ZNF827: variants seen among roughly 807,000 people sequenced by gnomAD.
The protein encoded by ZNF827 is zinc finger protein 827.
In ZNF827, 13 loss-of-function variants were observed where a neutral mutation model predicts 102.4. That is an observed-to-expected ratio of 0.13 (90% CI 0.08 to 0.20). ZNF827 has a LOEUF of 0.20. Ranked by LOEUF, ZNF827 falls within the 10% of genes least tolerant of loss-of-function variation. The pLI, the probability that ZNF827 is intolerant of heterozygous loss-of-function variation, is 1.00. For missense variants in ZNF827, 1,103 were observed against 1,344.4 expected, an observed-to-expected ratio of 0.82 and a Z score of 2.81; for synonymous variants, 523 against 536.2, an observed-to-expected ratio of 0.98 and a Z score of 0.34.
At chr4:145,930,521 C>T (rs762998748) in intron 1 of ZNF827, among the ~76,000 whole-genome samples, 1 of 152,202 alleles carries the variant, frequency 6.6e-6, no homozygotes, top group African/African-American at 2.4e-5. Flanking sequence ...AAGGTCCATG[C>T]ATTTCTTCCT....
At chr4:145,909,989 T>G (rs1240962325) in intron 1 of ZNF827, among the ~76,000 whole-genome samples, 2 of 152,094 alleles carry the variant, frequency 1.3e-5, no homozygotes. Flanking sequence ...GCTGTCAGCG[T>G]GCCCAGGAAG....
At chr4:145,911,170 G>C (rs1752262773) in intron 1 of ZNF827, among the ~76,000 whole-genome samples, 1 of 152,206 alleles carries the variant, frequency 6.6e-6, no homozygotes, top group South Asian at 2.1e-4. Flanking sequence ...TTTTCCACCA[G>C]TTTCCCCAAA....
At chr4:145,888,051 T>G (rs995973385) in intron 3 of ZNF827, among the ~76,000 whole-genome samples, 2 of 152,220 alleles carry the variant, frequency 1.3e-5, no homozygotes, top group Non-Finnish European at 2.9e-5. Flanking sequence ...GAGTCCTGGA[T>G]TAAAAACCGT....
At chr4:145,892,470 T>C (rs1423508816) in intron 2 of ZNF827, 55 bp from the exon 3 acceptor site, 7 of 1,524,544 alleles carry the variant, frequency 4.6e-6, no homozygotes, top group South Asian at 2.6e-5. Context: ...GTACACTGCA[T>C]CTGGCATTAA....
chr4:145,938,130 GGT>G (rs1491006235), intron 1 of ZNF827, among the ~76,000 whole-genome samples: 1 of 151,650 alleles, frequency 6.6e-6, no homozygotes, highest in East Asian at 2.0e-4. Flanking sequence ...AAAGGGGGGG[GGT>G]GAGAGAAAGA....
chr4:145,851,957 G>A (rs1746577346), intron 5 of ZNF827, among the ~76,000 whole-genome samples: 1 of 152,100 alleles, frequency 6.6e-6, no homozygotes, highest in Admixed American at 6.5e-5. Context: ...CTGACCTCCA[G>A]CCAGATCAGC....
At position 145,938,613 on chromosome 4, in the gene ZNF827, T is replaced by C; in HGVS notation, c.-206A>G. Reference sequence around the variant, plus strand: ...AGGGGTTTTCTTCTTTTCTTTCCTTTCTTTTTTCCTTTTTTTTTTTTTTTT... The same window carrying C: ...AGGGGTTTTCTTCTTTTCTTTCCTTCCTTTTTTCCTTTTTTTTTTTTTTTT... On this transcript the variant is annotated 5_prime_UTR_variant, in exon 1 of 15. Transcript: ENST00000508784. 1.9e-6 allele frequency: 1 copy of C among 539,000 alleles called. No individual in the cohort carries two copies. Among genetic ancestry groups the C allele is most frequent in the East Asian group, 2.9e-5 (1 of 33,914 alleles). 33.4% of individuals were successfully genotyped at this position (539,000 alleles called of 1,614,324 possible). A position where few individuals can be genotyped will look rare whatever the true frequency, so the allele number is the denominator to read the frequency against.
At chr4:145,889,554 CTTTT>C (rs36000739) in intron 3 of ZNF827, among the ~76,000 whole-genome samples, 1 of 136,758 alleles carries the variant, frequency 7.3e-6, no homozygotes. Context: ...ACTGACCCCA[CTTTT>C]TTTTTTTTTT....
rs1204876197 is a variant in ZNF827 at position 145,938,561 on chromosome 4, T to A, written c.-154A>T. On this transcript the variant is annotated 5_prime_UTR_variant, in exon 1 of 15. Transcript: ENST00000508784. Reference sequence around the variant, plus strand: ...CCCCTTCTCCGGTGTGTGCAATGGGTTGAAGCTTGTTTCCTGGAGCCAGAA... The same window carrying A: ...CCCCTTCTCCGGTGTGTGCAATGGGATGAAGCTTGTTTCCTGGAGCCAGAA... 5.3e-6 allele frequency: 3 copies of A among 567,074 alleles called. No individual in the cohort carries two copies. The highest frequency in any genetic ancestry group is 5.9e-5 in the East Asian group (2 of 34,142). 35.1% of individuals were successfully genotyped at this position (567,074 alleles called of 1,614,324 possible). A position where few individuals can be genotyped will look rare whatever the true frequency, so the allele number is the denominator to read the frequency against.
chr4:145,813,781 A>T (rs951778726), intron 8 of ZNF827, among the ~76,000 whole-genome samples: 1 of 152,228 alleles, frequency 6.6e-6, no homozygotes, highest in African/African-American at 2.4e-5. Flanking sequence ...GTCGGACTGC[A>T]GGATGGACAG....
In ZNF827 at chr4:145,900,296, T is replaced by C. The variant is rs772757133; in HGVS notation, c.1093+1870A>G. Among the ~76,000 whole-genome samples, 91 of 152,360 alleles carry C rather than the reference T, an allele frequency of 6.0e-4. 1 individual carries two copies. The highest frequency in any genetic ancestry group is 1.9e-3 in the South Asian group (9 of 4,828). ...CAATCAACTAAAGTTTATTATTAACTTTGCATAAGCTTTCCCAACTAACAA... is the reference window on the plus strand; with the variant it reads ...CAATCAACTAAAGTTTATTATTAACCTTGCATAAGCTTTCCCAACTAACAA... On this transcript the variant is annotated intron_variant, in intron 2 of 14. Transcript: ENST00000508784.
Position 145,760,760 on chromosome 4 carries a change from G to A in ZNF827, c.*856C>T. The A allele has an allele frequency of 1.1e-6, 1 of 917,758 alleles. No individual in the cohort carries two copies. The highest frequency in any genetic ancestry group is 1.3e-6 in the Non-Finnish European group (1 of 753,966). The allele number at this position is 917,758 out of a possible 1,614,324, so 56.9% of individuals were successfully genotyped here. A position where few individuals can be genotyped will look rare whatever the true frequency, so the allele number is the denominator to read the frequency against. Reference sequence around the variant, plus strand: ...TTTGTCTTTTGTCTCTCTGTTTTTGGTACAGAACATGGCTGCCCTCAGACA... The same window carrying A: ...TTTGTCTTTTGTCTCTCTGTTTTTGATACAGAACATGGCTGCCCTCAGACA... On this transcript the variant is annotated 3_prime_UTR_variant, in exon 15 of 15. Coordinates refer to ENST00000508784, the MANE Select transcript of ZNF827 (RefSeq NM_001306215.2).
intron 5 of ZNF827, among the ~76,000 whole-genome samples, chr4:145,853,462 C>T (rs1343575900): frequency 6.6e-6 from 1 of 152,126 alleles, no homozygotes; most frequent in African/African-American, 2.4e-5. Context: ...TGCCTATAGT[C>T]TCAGCCACTC....
intron 8 of ZNF827, among the ~76,000 whole-genome samples, chr4:145,798,418 C>G (rs899373878): frequency 2.6e-5 from 4 of 152,200 alleles, no homozygotes; most frequent in African/African-American, 9.6e-5. Context: ...ATAATCCCAG[C>G]ACTTTGGAAG....
chr4:145,901,015 T>G (rs1464396813), intron 2 of ZNF827, among the ~76,000 whole-genome samples: 3 of 152,200 alleles, frequency 2.0e-5, no homozygotes, highest in Non-Finnish European at 4.4e-5. Context: ...CTCGTTGTCT[T>G]CTGCTGTTGA....
chr4:145,858,229 C>T (rs888950531), intron 5 of ZNF827, among the ~76,000 whole-genome samples: 1 of 151,650 alleles, frequency 6.6e-6, no homozygotes, highest in Non-Finnish European at 1.5e-5. Context: ...TAATCCCAGC[C>T]CTTTGGGAGG....
At chr4:145,914,973 T>C (rs1752568138) in intron 1 of ZNF827, among the ~76,000 whole-genome samples, 1 of 152,220 alleles carries the variant, frequency 6.6e-6, no homozygotes, top group African/African-American at 2.4e-5. Flanking sequence ...TGATTTCGTG[T>C]TGCTAAAACA....
intron 11 of ZNF827, among the ~76,000 whole-genome samples, chr4:145,766,283 A>G (rs1312996014): frequency 6.6e-6 from 1 of 152,184 alleles, no homozygotes; most frequent in Non-Finnish European, 1.5e-5. Context: ...GACCATTAAA[A>G]TCTAGTGTCA....
At chr4:145,871,404 T>C (rs59465021) in intron 4 of ZNF827, among the ~76,000 whole-genome samples, 2,372 of 152,286 alleles carry the variant, frequency 0.016, 56 homozygotes, top group African/African-American at 0.054. Context: ...TGGGATGGAT[T>C]CTGTGGCTCA....
Sources: gnomAD v4.1 joint callset for allele counts (sites outside exome capture counted in the v4.1 genomes callset) on GRCh38, gnomAD v4.1.1 for gene constraint, MANE v1.5 for transcripts, NCBI Gene and HGNC (gene_info 2026-07-23, HGNC 2026-07-21) for gene names.